The following TMC1 variants were observed in gnomAD, a reference collection of about 807,000 sequenced individuals.
The protein encoded by TMC1 is transmembrane channel-like protein 1.
A neutral mutation model predicts 105.8 loss-of-function variants in TMC1; 84 were observed. That is an observed-to-expected ratio of 0.79 (90% CI 0.67 to 0.95). The LOEUF is 0.95. Ranked by LOEUF, TMC1 falls within the 40% of genes least tolerant of loss-of-function variation. The probability of loss-of-function intolerance (pLI) is 0.00; values close to 1 mark genes in which losing one functional copy is unlikely to be tolerated. For synonymous variants in TMC1, 315 were observed against 311.5 expected (o/e 1.01, Z -0.12); for missense variants, 817 against 914.1 (o/e 0.89, Z 1.37).
At chr9:72,830,304 T>C in intron 21 of TMC1, 147 bp from the exon 22 acceptor site, 1 of 674,058 alleles carries the variant, frequency 1.5e-6, no homozygotes, top group East Asian at 2.7e-5. Context: ...CCTCAGCTTT[T>C]ATCTATAAGA....
intron 1 of TMC1, among the ~76,000 whole-genome samples, chr9:72,553,220 G>T (rs992399120): frequency 6.6e-6 from 1 of 152,114 alleles, no homozygotes; most frequent in African/African-American, 2.4e-5. Flanking sequence ...TGATCCACCG[G>T]CCTCTGCTTC....
rs569867038 is a variant in TMC1, at chr9:72,706,871, T to A, written c.362+6228T>A. ...CTCACTGCAACCTTTACCTGCCAGG[T>A]TCAAGCGATTTTCCTGCCTCAGCCT... On this transcript the variant is annotated intron_variant, in intron 8 of 23. Transcript: ENST00000297784. Among the ~76,000 whole-genome samples, 5 of 151,508 alleles carry A rather than the reference T, an allele frequency of 3.3e-5. No homozygotes were observed. In the East Asian group the frequency reaches 7.8e-4, roughly 24 times the overall value.
At chr9:72,578,265 CGTGT>C (rs67476636) in intron 2 of TMC1, 13,577 of 147,416 alleles carry the variant, frequency 0.092, 591 homozygotes, top group Middle Eastern at 0.13. Flanking sequence ...CGCGCGCACG[CGTGT>C]GTGTGTGTGT....
chr9:72,754,705 TA>T, intron 11 of TMC1, 80 bp from the exon 12 acceptor site: 3 of 1,169,672 alleles, frequency 2.6e-6, no homozygotes, highest in Non-Finnish European at 3.8e-6. Context: ...GAAGGGCTTT[TA>T]AACAAAACCA....
In TMC1 at chr9:72,577,019, A is replaced by G. The variant is rs1430753283; in HGVS notation, c.-427-883A>G. On this transcript the variant is annotated intron_variant, in intron 1 of 23. Coordinates refer to ENST00000297784, the MANE Select transcript of TMC1 (RefSeq NM_138691.3). ...ATATGGCCAACTGGGATTTTTTTCAATCTTACAGAAATTATTCTCGGAAAT... is the reference window on the plus strand; with the variant it reads ...ATATGGCCAACTGGGATTTTTTTCAGTCTTACAGAAATTATTCTCGGAAAT... Among the ~76,000 whole-genome samples, 9 of 151,706 alleles carry G rather than the reference A, an allele frequency of 5.9e-5. No homozygotes were observed. The East Asian group carries it at 1.4e-3, about 23-fold the overall frequency.
At chr9:72,739,550 C>T (rs1322581055) in intron 8 of TMC1, among the ~76,000 whole-genome samples, 1 of 152,172 alleles carries the variant, frequency 6.6e-6, no homozygotes, top group Non-Finnish European at 1.5e-5. Flanking sequence ...AAAGCCCTTT[C>T]TAAATGTGAG....
Position 72,607,435 on chromosome 9 carries a change from T to C in TMC1, c.-305-8933T>C, listed in dbSNP as rs541109897. 8.1e-5 allele frequency among the ~76,000 whole-genome samples: 12 copies of C among 147,700 alleles called. No individual in the cohort carries two copies. In the South Asian group the frequency reaches 1.7e-3, roughly 21 times the overall value. ...AAGATCGAGACCATCCTGGCTAACA[T>C]GGTGAAACCCCGTCTCTACTAAAAA... On this transcript the variant is annotated intron_variant, in intron 2 of 23. Transcript: ENST00000297784.
intron 1 of TMC1, among the ~76,000 whole-genome samples, chr9:72,556,933 G>T (rs575790203): frequency 6.6e-6 from 1 of 152,312 alleles, no homozygotes; most frequent in African/African-American, 2.4e-5. Flanking sequence ...TCACATCTGG[G>T]GTTGGGGAGT....
At chr9:72,817,896 T>G (rs1828812072) in intron 19 of TMC1, among the ~76,000 whole-genome samples, 1 of 152,198 alleles carries the variant, frequency 6.6e-6, no homozygotes, top group African/African-American at 2.4e-5. Flanking sequence ...CTGGCTAATT[T>G]GAAGAGAATA....
intron 8 of TMC1, among the ~76,000 whole-genome samples, chr9:72,719,075 T>A (rs778335772): frequency 1.4e-4 from 21 of 152,150 alleles, no homozygotes; most frequent in Non-Finnish European, 2.2e-4. Flanking sequence ...GAGATTGTTT[T>A]CAGGCAGTGG....
intron 8 of TMC1, among the ~76,000 whole-genome samples, chr9:72,710,163 G>A (rs553418568): frequency 6.6e-6 from 1 of 152,124 alleles, no homozygotes; most frequent in Non-Finnish European, 1.5e-5. Flanking sequence ...ATGGATTGGA[G>A]GATTTCTTTT....
chr9:72,793,100 G>C (rs899876163), intron 17 of TMC1, among the ~76,000 whole-genome samples: 1 of 152,176 alleles, frequency 6.6e-6, no homozygotes, highest in African/African-American at 2.4e-5. Flanking sequence ...GACACACAGA[G>C]CTATGTGGAG....
In TMC1 at chr9:72,706,857, C is replaced by G. The variant is rs550006573; in HGVS notation, c.362+6214C>G. 2.6e-5 allele frequency among the ~76,000 whole-genome samples: 4 copies of G among 151,906 alleles called. No homozygotes were observed. In the South Asian group the frequency reaches 8.3e-4, roughly 32 times the overall value. On this transcript the variant is annotated intron_variant, in intron 8 of 23. Coordinates refer to ENST00000297784, the MANE Select transcript of TMC1 (RefSeq NM_138691.3). The stretch of plus-strand genomic sequence containing the variant: ...TGGCGTGATCTCGGCTCACTGCAAC[C>G]TTTACCTGCCAGGTTCAAGCGATTT...
At chr9:72,724,797 G>A (rs1326956860) in intron 8 of TMC1, among the ~76,000 whole-genome samples, 2 of 152,086 alleles carry the variant, frequency 1.3e-5, no homozygotes, top group Non-Finnish European at 2.9e-5. Flanking sequence ...TATCAAATGT[G>A]TACTCTTTAG....
chr9:72,629,177 A>G (rs1299248969), intron 4 of TMC1, among the ~76,000 whole-genome samples: 1 of 152,174 alleles, frequency 6.6e-6, no homozygotes, highest in Non-Finnish European at 1.5e-5. Context: ...TTCCTATGAC[A>G]TTGAGCCTAT....
At position 72,788,542 on chromosome 9, in the gene TMC1, A is replaced by G. The variant is rs148972302; in HGVS notation, c.1029+59A>G. The G allele has an allele frequency of 6.2e-4, 974 of 1,565,382 alleles. 14 individuals are homozygous for G. In the East Asian group the frequency reaches 0.018, roughly 29 times the overall value. ...TATTTCTAAGAGTAAAATTGGAGGCATTCCATCTGGTCCAGTAGTGCAGTA... is the reference window on the plus strand; with the variant it reads ...TATTTCTAAGAGTAAAATTGGAGGCGTTCCATCTGGTCCAGTAGTGCAGTA... On this transcript the variant is annotated intron_variant, in intron 14 of 23. Coordinates refer to ENST00000297784, the MANE Select transcript of TMC1 (RefSeq NM_138691.3).
intron 1 of TMC1, among the ~76,000 whole-genome samples, chr9:72,561,897 A>G (rs2132080234): frequency 6.6e-6 from 1 of 152,194 alleles, no homozygotes; most frequent in South Asian, 2.1e-4. Flanking sequence ...AATCCGCACT[A>G]CTTGGGAAGC....
At chr9:72,551,906 T>C (rs1823865502) in intron 1 of TMC1, among the ~76,000 whole-genome samples, 1 of 152,038 alleles carries the variant, frequency 6.6e-6, no homozygotes, top group Non-Finnish European at 1.5e-5. Context: ...GAATGTCAAA[T>C]ATTGCCGGCA....
chr9:72,653,447 C>T (rs1181807661), intron 5 of TMC1, among the ~76,000 whole-genome samples: 4 of 152,214 alleles, frequency 2.6e-5, no homozygotes, highest in South Asian at 4.1e-4. Context: ...CACAAAAAAC[C>T]TATGAAACTT....
Sources: allele counts gnomAD v4.1 joint callset (sites outside exome capture counted in the v4.1 genomes callset), GRCh38; gene constraint gnomAD v4.1.1; transcripts MANE v1.5; gene names NCBI Gene and HGNC (gene_info 2026-07-23, HGNC 2026-07-21).